The following MED23 variants were observed in gnomAD, a reference collection of about 807,000 sequenced individuals.
MED23 encodes mediator of RNA polymerase II transcription subunit 23.
A neutral mutation model predicts 163.9 loss-of-function variants in MED23; 105 were observed. That is an observed-to-expected ratio of 0.64 (90% CI 0.55 to 0.75). MED23 has a LOEUF of 0.75. MED23 is among the 30% of genes least tolerant of loss of function. MED23 has a pLI of 0.00. For synonymous variants in MED23, 561 were observed against 565.6 expected, an observed-to-expected ratio of 0.99 and a Z score of 0.12; for missense variants, 1,054 against 1,649.0, an observed-to-expected ratio of 0.64 and a Z score of 6.25.
At chr6:131,603,538 T>C (rs1775637710) in intron 15 of MED23, among the ~76,000 whole-genome samples, 1 of 152,192 alleles carries the variant, frequency 6.6e-6, no homozygotes, top group South Asian at 2.1e-4. Context: ...CCATACCTTT[T>C]GAAGTATGAG....
chr6:131,627,665 T>C lies in MED23; in HGVS notation c.47A>G (p.Glu16Gly). 1.3e-6 allele frequency: 2 copies of C among 1,590,844 alleles called. No individual in the cohort carries two copies. The highest frequency in any genetic ancestry group is 2.3e-5 in the South Asian group (2 of 87,874). The part of the protein sequence containing the change: ...QSIFEEVVKT[E>G]VIEEAFPGMF... Reference sequence around the variant, plus strand: ...CCCAGGAAAAGCCTCTTCTATAACTTCCGTTTTCTGTAAAAAAAAAAAAAA... The same window carrying C: ...CCCAGGAAAAGCCTCTTCTATAACTCCCGTTTTCTGTAAAAAAAAAAAAAA... Residue 16 changes from glutamate (E) to glycine (G), a missense_variant, in exon 2 of 29, where the codon GAA becomes GGA. By Grantham distance (98) the Glu-to-Gly change is moderately conservative (BLOSUM62 -2). Transcript: ENST00000368068.
At chr6:131,621,859 A>G in intron 6 of MED23, 22 bp downstream of exon 6, 1 of 1,555,130 alleles carries the variant, frequency 6.4e-7, no homozygotes, top group Non-Finnish European at 8.8e-7. Context: ...ATGATCACGA[A>G]TTTCAGACAT....
At chr6:131,615,650 A>T in intron 10 of MED23, 1 of 583,468 alleles carries the variant, frequency 1.7e-6, no homozygotes, top group Non-Finnish European at 3.0e-6. Flanking sequence ...GGCAAAAGGT[A>T]TACTTGAAAC....
At chr6:131,594,029 GA>G in intron 23 of MED23, 69 bp downstream of exon 23, 1 of 1,332,144 alleles carries the variant, frequency 7.5e-7, no homozygotes, top group Non-Finnish European at 1.0e-6. Flanking sequence ...TACTTTAAAA[GA>G]AAAAATATAT....
chr6:131,623,862 T>A (rs1291457005), intron 4 of MED23, among the ~76,000 whole-genome samples: 1 of 152,198 alleles, frequency 6.6e-6, no homozygotes, highest in Non-Finnish European at 1.5e-5. Flanking sequence ...GTTAGCAGCA[T>A]CAGACAGACT....
chr6:131,574,666 T>C (rs556274919), intron 30 of MED23, among the ~76,000 whole-genome samples: 14 of 152,086 alleles, frequency 9.2e-5, no homozygotes, highest in Non-Finnish European at 1.9e-4. Flanking sequence ...ATATAAGTAT[T>C]TGTCCTCACC....
At chr6:131,626,796 GCAAA>G (rs1562411310) in intron 3 of MED23, among the ~76,000 whole-genome samples, 2 of 152,190 alleles carry the variant, frequency 1.3e-5, no homozygotes, top group Non-Finnish European at 2.9e-5. Flanking sequence ...TGGCTGACAC[GCAAA>G]CAGTTCTCAT....
rs1188525753 is a variant in MED23, at chr6:131,586,878, A to T, written c.*801T>A. The T allele has an allele frequency of 1.4e-6, 2 of 1,452,634 alleles. No individual in the cohort carries two copies. Among genetic ancestry groups the T allele is most frequent in the East Asian group, 5.0e-5 (2 of 39,814 alleles). The allele number at this position is 1,452,634 out of a possible 1,614,324, so 90.0% of individuals were successfully genotyped here. A position where few individuals can be genotyped will look rare whatever the true frequency, so the allele number is the denominator to read the frequency against. On this transcript the variant is annotated 3_prime_UTR_variant, in exon 29 of 29. Coordinates refer to ENST00000368068, the MANE Select transcript of MED23 (RefSeq NM_004830.4). Reference sequence around the variant, plus strand: ...TACTGTATTTACAAATATAAAATTTAAAAATTTTAAGATTATAAAAATTGA... The same window carrying T: ...TACTGTATTTACAAATATAAAATTTTAAAATTTTAAGATTATAAAAATTGA...
At chr6:131,584,665 T>C (rs1774110409), downstream of MED23, among the ~76,000 whole-genome samples, 1 of 118,406 alleles carries the variant, frequency 8.4e-6, no homozygotes, top group South Asian at 2.5e-4. Flanking sequence ...GCATGGTTGC[T>C]ATTCAAGTAG....
chr6:131,623,494 A>T (rs772114440), intron 4 of MED23, 32 bp from the exon 5 acceptor site: 4 of 1,584,398 alleles, frequency 2.5e-6, no homozygotes, highest in Middle Eastern at 3.3e-4. Flanking sequence ...TTCCAGTTAC[A>T]AGACAGAATT....
intron 10 of MED23, among the ~76,000 whole-genome samples, chr6:131,613,942 A>T (rs1395276065): frequency 6.6e-6 from 1 of 152,200 alleles, no homozygotes; most frequent in African/African-American, 2.4e-5. Context: ...TTGCAGCTCA[A>T]ATGACCATGG....
rs201959088 is a variant in MED23, at chr6:131,576,631, T to C, written c.4096-2336A>G. ...TGTGAGCATCTGATGGTCATGATAA[T>C]GTCTGAAGTACTTTATTTTTTAATT... is the stretch of plus-strand genomic sequence containing the variant. On this transcript the variant is annotated intron_variant, in intron 30 of 30. Transcript: ENST00000354577. 4.4e-5 allele frequency: 69 copies of C among 1,581,068 alleles called. 2 individuals are homozygous for C. The Admixed American group carries it at 9.2e-4, about 21-fold the overall frequency.
rs115871464 is a variant in MED23 at position 131,595,922 on chromosome 6, G to A, written c.2995+25C>T. On this transcript the variant is annotated intron_variant, in intron 22 of 28. Coordinates refer to ENST00000368068, the MANE Select transcript of MED23 (RefSeq NM_004830.4). ...ACTTTTGATAATGGAGGTATTAGAC[G>A]AAATTAAAATTGGAAAAAGCTCACC... 3,378 of 1,571,598 alleles carry A rather than the reference G, an allele frequency of 2.1e-3. 62 individuals carry two copies. In the African/African-American group the frequency reaches 0.041, roughly 19 times the overall value.
intron 23 of MED23, among the ~76,000 whole-genome samples, chr6:131,593,530 G>T (rs886601971): frequency 2.6e-5 from 4 of 152,044 alleles, no homozygotes; most frequent in Non-Finnish European, 5.9e-5. Flanking sequence ...ATTCCTTTGT[G>T]TAGGAAAATA....
chr6:131,615,410 A>G, intron 10 of MED23: 1 of 1,526,830 alleles, frequency 6.5e-7, no homozygotes, highest in Non-Finnish European at 9.1e-7. Flanking sequence ...AAAAGAAAAG[A>G]CAAAACAGTG....
chr6:131,606,818 T>C (rs1261523893), intron 12 of MED23, among the ~76,000 whole-genome samples, 194 bp from the exon 13 acceptor site: 1 of 152,210 alleles, frequency 6.6e-6, no homozygotes, highest in Non-Finnish European at 1.5e-5. Flanking sequence ...AGATGCTTTA[T>C]TTGGTATATG....
At chr6:131,591,920 G>A (rs1774671008) in intron 25 of MED23, 13 of 235,102 alleles carry the variant, frequency 5.5e-5, no homozygotes, top group Middle Eastern at 1.6e-3. Flanking sequence ...CACTGAGAAA[G>A]GAGGCTCTAA....
intron 10 of MED23, among the ~76,000 whole-genome samples, chr6:131,612,481 A>G (rs1017355278): frequency 1.3e-5 from 2 of 152,120 alleles, no homozygotes; most frequent in African/African-American, 4.8e-5. Flanking sequence ...TTAACTGTCA[A>G]TCACTAGGCT....
Position 131,624,934 on chromosome 6 carries a change from C to G in MED23, c.215G>C (p.Ser72Thr). ...ATAAAGAAAAGAAATTCTTTTAGGA[C>G]TATGCTGACCATGAATAAACTTAAC... ...WIVKFIHGQH[S>T]PKRISFLYDC... Residue 72 changes from serine (S) to threonine (T), a missense_variant, in exon 4 of 29, where the codon AGT becomes ACT. By Grantham distance (58) the Ser-to-Thr change is moderately conservative. Around this residue, in one of 11 missense-constraint regions of MED23, gnomAD observed 227 missense variants for 235.5 expected, o/e 0.96. Coordinates refer to ENST00000368068, the MANE Select transcript of MED23 (RefSeq NM_004830.4). 1 of 1,613,738 alleles carries G rather than the reference C, an allele frequency of 6.2e-7. No individual in the cohort carries two copies. The highest frequency in any genetic ancestry group is 8.5e-7 in the Non-Finnish European group (1 of 1,179,808).
Sources: gnomAD v4.1 joint callset for allele counts (sites outside exome capture counted in the v4.1 genomes callset) on GRCh38, gnomAD v4.1.1 for gene constraint, gnomAD v4.1.1 regional missense constraint, MANE v1.5 for transcripts, NCBI Gene and HGNC (gene_info 2026-07-23, HGNC 2026-07-21) for gene names.